Variants in NALF1 observed in about 807,000 individuals in gnomAD.
NALF1 encodes NALCN channel auxiliary factor 1.
Under a neutral mutation model 48.4 loss-of-function variants are expected in NALF1, and 3 were observed. The ratio of observed to expected loss-of-function variants is 0.06; its 90% confidence interval spans 0.03 to 0.16. NALF1 has a LOEUF of 0.16. Ranked by LOEUF, NALF1 falls within the 10% of genes least tolerant of loss-of-function variation. The pLI is 1.00. For missense variants in NALF1, 526 were observed against 571.5 expected (o/e 0.92, Z 0.81); for synonymous variants, 262 against 245.7 (o/e 1.07, Z -0.62).
intron 1 of NALF1, among the ~76,000 whole-genome samples, chr13:107,728,542 G>A (rs1312146152): frequency 6.6e-6 from 1 of 151,910 alleles, no homozygotes; most frequent in Non-Finnish European, 1.5e-5. Context: ...GGGGGTTGGG[G>A]GAAAGGGGAG....
intron 1 of NALF1, among the ~76,000 whole-genome samples, chr13:107,453,189 G>A (rs1318636408): frequency 6.6e-6 from 1 of 152,156 alleles, no homozygotes; most frequent in Non-Finnish European, 1.5e-5. Context: ...AGTTCTACTA[G>A]GTCCCTAGTA....
At chr13:107,499,341 A>C (rs1257913238) in intron 1 of NALF1, among the ~76,000 whole-genome samples, 1 of 152,104 alleles carries the variant, frequency 6.6e-6, no homozygotes, top group African/African-American at 2.4e-5. Context: ...TATATACAAT[A>C]AAGTTTTTTT....
At chr13:107,849,504 C>T (rs944863500) in intron 1 of NALF1, among the ~76,000 whole-genome samples, 3 of 152,168 alleles carry the variant, frequency 2.0e-5, no homozygotes, top group Non-Finnish European at 4.4e-5. Context: ...CTGGACTCAA[C>T]CGAGACTGTA....
chr13:107,494,646 T>C (rs992722306), intron 1 of NALF1, among the ~76,000 whole-genome samples: 1 of 152,172 alleles, frequency 6.6e-6, no homozygotes, highest in African/African-American at 2.4e-5. Context: ...GCTTTACCTA[T>C]GGGTTAACTA....
At chr13:107,479,691 C>T (rs571674499) in intron 1 of NALF1, among the ~76,000 whole-genome samples, 2 of 152,166 alleles carry the variant, frequency 1.3e-5, no homozygotes, top group South Asian at 4.1e-4. Context: ...TTACATGCAC[C>T]ACCAATTAAT....
rs1463150362 is a variant in NALF1, at chr13:107,362,459, C to T, written c.916-151704G>A. ...TTTGGAGGTATCAGGCAATCGGTGA[C>T]ATCTCTTGATTTGCAGCTGCATGAC... On this transcript the variant is annotated intron_variant, in intron 1 of 2. Transcript: ENST00000375915. This position sits in a 1 kb window ranked among gnomAD's most constrained non-coding sequence, Gnocchi z 4.6. 6.6e-6 allele frequency among the ~76,000 whole-genome samples: 1 copy of T among 152,088 alleles called. No individual in the cohort carries two copies. Among genetic ancestry groups the T allele is most frequent in the Non-Finnish European group, 1.5e-5 (1 of 68,030 alleles).
chr13:107,542,336 G>T (rs896970320), intron 1 of NALF1, among the ~76,000 whole-genome samples: 1 of 151,960 alleles, frequency 6.6e-6, no homozygotes, highest in African/African-American at 2.4e-5. Flanking sequence ...GGGGAGGGGG[G>T]CAATGACACT....
chr13:107,799,626 T>C (rs1028930812), intron 1 of NALF1, among the ~76,000 whole-genome samples: 3 of 152,216 alleles, frequency 2.0e-5, no homozygotes, highest in African/African-American at 4.8e-5. Context: ...ATAAATCTTA[T>C]GGTAGAAGGA....
chr13:107,194,594 A>C (rs1879353986), intron 2 of NALF1, among the ~76,000 whole-genome samples: 1 of 152,228 alleles, frequency 6.6e-6, no homozygotes, highest in Non-Finnish European at 1.5e-5. Context: ...AAAGACTTAA[A>C]TCTAAAACCT....
At chr13:107,755,733 G>A (rs1877076377) in intron 1 of NALF1, among the ~76,000 whole-genome samples, 1 of 151,980 alleles carries the variant, frequency 6.6e-6, no homozygotes, top group South Asian at 2.1e-4. Context: ...ACATGCAGAG[G>A]AAAAGCTACA....
At chr13:107,746,192 AC>A (rs1359737071) in intron 1 of NALF1, among the ~76,000 whole-genome samples, 1 of 152,214 alleles carries the variant, frequency 6.6e-6, no homozygotes, top group African/African-American at 2.4e-5. Flanking sequence ...ATCTTCTGTC[AC>A]CTTGTGAAGA....
At chr13:107,431,325 G>C (rs1246785579) in intron 1 of NALF1, among the ~76,000 whole-genome samples, 1 of 152,128 alleles carries the variant, frequency 6.6e-6, no homozygotes, top group Non-Finnish European at 1.5e-5. Flanking sequence ...CCGTTTGCTT[G>C]AGGAGGTCTC....
intron 1 of NALF1, among the ~76,000 whole-genome samples, chr13:107,540,741 G>A (rs4085110): frequency 0.38 from 58,109 of 151,866 alleles, 11,413 homozygotes; most frequent in African/African-American, 0.47. Flanking sequence ...ACTCCTGCCA[G>A]CACAACAAGC....
chr13:107,297,229 T>C (rs773166524), intron 1 of NALF1, among the ~76,000 whole-genome samples: 23 of 152,160 alleles, frequency 1.5e-4, no homozygotes, highest in Non-Finnish European at 2.5e-4. Context: ...GGGAAAAGGA[T>C]AGTGTCTTTT....
intron 1 of NALF1, among the ~76,000 whole-genome samples, chr13:107,284,573 C>T (rs972505294): frequency 2.7e-5 from 2 of 75,144 alleles, no homozygotes; most frequent in Non-Finnish European, 8.4e-5. Flanking sequence ...AACTGTGTCC[C>T]GCCCTCCCCC....
At chr13:107,622,471 CAAAAA>C (rs59079915) in intron 1 of NALF1, among the ~76,000 whole-genome samples, 1 of 146,444 alleles carries the variant, frequency 6.8e-6, no homozygotes, top group Non-Finnish European at 1.5e-5. Context: ...ACAACAACAA[CAAAAA>C]AAAAAAAACA....
chr13:107,292,478 A>G (rs1881641509), intron 1 of NALF1, among the ~76,000 whole-genome samples: 1 of 147,998 alleles, frequency 6.8e-6, no homozygotes, highest in Non-Finnish European at 1.5e-5. Context: ...GCTTTTATCT[A>G]TATTCCATTT....
At chr13:107,235,638 T>C (rs537610555) in intron 1 of NALF1, among the ~76,000 whole-genome samples, 200 of 152,362 alleles carry the variant, frequency 1.3e-3, no homozygotes, top group Non-Finnish European at 2.3e-3. Context: ...ATGTTCAGTA[T>C]GAATGCAGTC....
intron 1 of NALF1, among the ~76,000 whole-genome samples, chr13:107,657,926 A>C (rs2138473812): frequency 6.6e-6 from 1 of 152,092 alleles, no homozygotes; most frequent in African/African-American, 2.4e-5. Flanking sequence ...TTGGTGGTAA[A>C]CTCTGTTTTT....
Sources: allele counts gnomAD v4.1 joint callset (sites outside exome capture counted in the v4.1 genomes callset), GRCh38; gene constraint gnomAD v4.1.1; non-coding constraint Gnocchi (gnomAD v3.1); transcripts MANE v1.5; gene names NCBI Gene and HGNC (gene_info 2026-07-23, HGNC 2026-07-21).